The following LITAF variants were observed in gnomAD, a reference collection of about 807,000 sequenced individuals.
LITAF encodes lipopolysaccharide induced TNF factor.
A neutral mutation model predicts 14.5 loss-of-function variants in LITAF; 9 were observed. The observed-to-expected ratio is 0.62, with a 90% CI of 0.37 to 1.08. LITAF has a LOEUF of 1.08. LITAF is among the 50% of genes least tolerant of loss of function. The probability of loss-of-function intolerance (pLI) is 0.01; values close to 1 mark genes in which losing one functional copy is unlikely to be tolerated. For missense variants in LITAF, 206 were observed against 213.4 expected (o/e 0.97, Z 0.22); for synonymous variants, 98 against 88.2 (o/e 1.11, Z -0.62).
At chr16:11,563,623 G>T (rs956358891) in intron 1 of LITAF, among the ~76,000 whole-genome samples, 2 of 152,042 alleles carry the variant, frequency 1.3e-5, no homozygotes, top group Admixed American at 1.3e-4. Context: ...ACCTGCCAAT[G>T]ATGGGTTCCA....
chr16:11,592,750 T>G lies in LITAF; in HGVS notation c.-6+5638A>C, dbSNP rs114895464. The stretch of plus-strand genomic sequence containing the variant: ...CACTATGATAGCTACAAAAAAAAAT[T>G]TGGGGTCGGGCACGGTGGCTCATGC... On this transcript the variant is annotated intron_variant, in intron 1 of 3. Coordinates refer to the LITAF transcript ENST00000571627. Among the ~76,000 whole-genome samples the G allele has an allele frequency of 9.1e-3, 1,386 of 151,860 alleles. 24 individuals are homozygous for G. Among genetic ancestry groups the G allele is most frequent in the African/African-American group, 0.032 (1,330 of 41,432 alleles).
chr16:11,591,857 G>A (rs948760774), upstream of LITAF, among the ~76,000 whole-genome samples: 1 of 152,146 alleles, frequency 6.6e-6, no homozygotes, highest in African/African-American at 2.4e-5. Flanking sequence ...CCAAAGTGCT[G>A]AGATTACAGG....
intron 1 of LITAF, among the ~76,000 whole-genome samples, chr16:11,568,262 T>C (rs1053106774): frequency 6.9e-5 from 10 of 145,360 alleles, no homozygotes; most frequent in Non-Finnish European, 1.2e-4. Context: ...CACTCCAGCC[T>C]GGGCAACAGA....
chr16:11,555,053 G>C (rs997661825), intron 2 of LITAF, among the ~76,000 whole-genome samples: 1 of 151,924 alleles, frequency 6.6e-6, no homozygotes, highest in Non-Finnish European at 1.5e-5. Flanking sequence ...TGGCAGGGGG[G>C]ACAAGGTCTT....
intron 1 of LITAF, among the ~76,000 whole-genome samples, chr16:11,570,991 G>A (rs1206460007): frequency 2.6e-5 from 4 of 151,950 alleles, no homozygotes; most frequent in East Asian, 1.9e-4. Context: ...AAATGCAGGC[G>A]GCCTCTGGAA....
chr16:11,603,618 C>T (rs1018416378), intron 3 of LITAF, among the ~76,000 whole-genome samples: 2 of 152,220 alleles, frequency 1.3e-5, no homozygotes, highest in Non-Finnish European at 2.9e-5. Flanking sequence ...CAGAGCAATG[C>T]GGCAGTATCA....
At chr16:11,611,978 T>C (rs9921789) in intron 3 of LITAF, among the ~76,000 whole-genome samples, 9,483 of 152,268 alleles carry the variant, frequency 0.062, 1,008 homozygotes, top group African/African-American at 0.21. Flanking sequence ...CCATTTCGAC[T>C]GTTGTGGGGT....
rs1035840769 is a variant in LITAF at position 11,592,763 on chromosome 16, C to T, written c.-6+5625G>A. Among the ~76,000 whole-genome samples the T allele has an allele frequency of 2.0e-5, 3 of 152,070 alleles. No homozygotes were observed. In the South Asian group the frequency reaches 6.2e-4, roughly 31 times the overall value. ...ACAAAAAAAAATTTGGGGTCGGGCA[C>T]GGTGGCTCATGCCTGTAATCCTAAC... On this transcript the variant is annotated intron_variant, in intron 1 of 3. Coordinates refer to the LITAF transcript ENST00000571627.
At chr16:11,554,396 T>C (rs1249496680) in intron 2 of LITAF, among the ~76,000 whole-genome samples, 1 of 152,130 alleles carries the variant, frequency 6.6e-6, no homozygotes, top group Non-Finnish European at 1.5e-5. Flanking sequence ...GACAACAAGC[T>C]AGTGAACTGT....
intron 3 of LITAF, among the ~76,000 whole-genome samples, chr16:11,630,156 T>TG (rs1423757824): frequency 1.3e-5 from 2 of 151,920 alleles, no homozygotes; most frequent in African/African-American, 4.8e-5. Flanking sequence ...CCCCTGGCGT[T>TG]GGGGGGGCTC....
intron 1 of LITAF, among the ~76,000 whole-genome samples, chr16:11,593,212 CG>C (rs1375300198): frequency 6.6e-6 from 1 of 151,480 alleles, no homozygotes; most frequent in Admixed American, 6.6e-5. Context: ...AAAAATTAGC[CG>C]GGCATGGTGG....
upstream of LITAF, among the ~76,000 whole-genome samples, chr16:11,638,770 T>C (rs1254116337): frequency 6.7e-6 from 1 of 149,052 alleles, no homozygotes; most frequent in Non-Finnish European, 1.5e-5. Flanking sequence ...TAACTTTAAT[T>C]CCTAATGGAG....
intron 1 of LITAF, among the ~76,000 whole-genome samples, chr16:11,594,409 G>A (rs943414141): frequency 2.0e-5 from 3 of 151,898 alleles, no homozygotes; most frequent in Non-Finnish European, 2.9e-5. Flanking sequence ...GGAATCACAC[G>A]GACCAGAAAG....
intron 3 of LITAF, among the ~76,000 whole-genome samples, chr16:11,627,712 T>C: frequency 6.6e-6 from 1 of 152,094 alleles, no homozygotes; most frequent in East Asian, 1.9e-4. Context: ...GGTGTGGTGG[T>C]GCACGCCTGT....
At position 11,632,393 on chromosome 16, in the gene LITAF, G is replaced by A. The variant is rs773971157; in HGVS notation, c.85+1140C>T. 9.2e-5 allele frequency among the ~76,000 whole-genome samples: 14 copies of A among 151,928 alleles called. No individual in the cohort carries two copies. The highest frequency in any genetic ancestry group is 1.2e-4 in the African/African-American group (5 of 41,364). On this transcript the variant is annotated intron_variant, in intron 3 of 3. Coordinates refer to the LITAF transcript ENST00000574848. The surrounding 1 kb of genome is among the most constrained non-coding windows in gnomAD (Gnocchi z 4.8). ...CACCGAGATGACAGAGACAGGGAGA[G>A]GGACAGAGACAGGGAGAGGGACAGA...
chr16:11,629,483 G>C (rs1011125588), intron 3 of LITAF, among the ~76,000 whole-genome samples: 3 of 152,212 alleles, frequency 2.0e-5, no homozygotes, highest in African/African-American at 7.2e-5. Context: ...CAGGAGGCAA[G>C]GGGGCCCTGC....
chr16:11,618,704 G>A (rs1225343134), intron 3 of LITAF, among the ~76,000 whole-genome samples: 1 of 152,136 alleles, frequency 6.6e-6, no homozygotes, highest in Non-Finnish European at 1.5e-5. Context: ...CCCCGCACTG[G>A]CCGGCCGCGG....
At position 11,547,869 on chromosome 16, in the gene LITAF, T is replaced by C. The variant is rs1020164319; in HGVS notation, c.*1768A>G. Reference sequence around the variant, plus strand: ...TCGGTCATCTTGACATTGCAGGATATTCAGCAAGTCTGAAGTTTTTAATCG... The same window carrying C: ...TCGGTCATCTTGACATTGCAGGATACTCAGCAAGTCTGAAGTTTTTAATCG... On this transcript the variant is annotated 3_prime_UTR_variant, in exon 4 of 4. Coordinates refer to ENST00000622633, the MANE Select transcript of LITAF (RefSeq NM_001136472.2). 35 of 454,036 alleles carry C rather than the reference T, an allele frequency of 7.7e-5. No individual in the cohort carries two copies. Among genetic ancestry groups the C allele is most frequent in the Non-Finnish European group, 1.1e-4 (26 of 226,814 alleles). The allele number at this position is 454,036 out of a possible 1,614,324, so 28.1% of individuals were successfully genotyped here.
At chr16:11,552,844 TG>T (rs2064201906) in intron 3 of LITAF, among the ~76,000 whole-genome samples, 1 of 152,190 alleles carries the variant, frequency 6.6e-6, no homozygotes, top group Non-Finnish European at 1.5e-5. Flanking sequence ...CCAGGCATGA[TG>T]GCCCACACCT....
Sources: allele counts gnomAD v4.1 joint callset (sites outside exome capture counted in the v4.1 genomes callset), GRCh38; gene constraint gnomAD v4.1.1; non-coding constraint Gnocchi (gnomAD v3.1); transcripts MANE v1.5; gene names NCBI Gene and HGNC (gene_info 2026-07-23, HGNC 2026-07-21).